GRIN3A: variants seen among roughly 807,000 people sequenced by gnomAD.
The protein encoded by GRIN3A is glutamate receptor ionotropic, NMDA 3A.
Under a neutral mutation model 92.4 loss-of-function variants are expected in GRIN3A, and 47 were observed. The ratio of observed to expected loss-of-function variants is 0.51; its 90% CI spans 0.40 to 0.65. GRIN3A has a LOEUF of 0.65. Among genes scored for constraint, GRIN3A ranks in the 30% least tolerant of loss-of-function variants. The pLI, the probability that GRIN3A is intolerant of heterozygous loss-of-function variation, is 0.00. For missense variants in GRIN3A, 1,324 were observed against 1,393.1 expected (o/e 0.95, Z 0.79); for synonymous variants, 527 against 540.6 (o/e 0.97, Z 0.35).
intron 1 of GRIN3A, among the ~76,000 whole-genome samples, chr9:101,720,615 A>G (rs1416980525): frequency 6.6e-6 from 1 of 152,222 alleles, no homozygotes; most frequent in Non-Finnish European, 1.5e-5. Context: ...ACAAGAACAG[A>G]TAACATTGTT....
chr9:101,670,397 G>A lies in GRIN3A; in HGVS notation c.2015C>T (p.Pro672Leu). ...TAAPIGAFMWPLHWTMWLGIF... is the reference protein window; with the variant it reads ...TAAPIGAFMWLLHWTMWLGIF... Reference sequence around the variant, plus strand: ...CCCCAGCCACATTGTCCAGTGGAGTGGCCACATGAAGGCTCCAATGGGAGC... The same window carrying A: ...CCCCAGCCACATTGTCCAGTGGAGTAGCCACATGAAGGCTCCAATGGGAGC... The change falls in exon 3 of 9, where the codon CCA becomes CTA. Residue 672 changes from proline (P) to leucine (L), a missense_variant. Coordinates refer to ENST00000361820, the MANE Select transcript of GRIN3A (RefSeq NM_133445.3). 1 of 1,613,996 alleles carries A rather than the reference G, an allele frequency of 6.2e-7. No homozygotes were observed. The highest frequency in any genetic ancestry group is 8.5e-7 in the Non-Finnish European group (1 of 1,179,952).
chr9:101,685,377 A>G (rs1829520334), intron 2 of GRIN3A, among the ~76,000 whole-genome samples: 1 of 149,262 alleles, frequency 6.7e-6, no homozygotes, highest in Non-Finnish European at 1.5e-5. Context: ...TTTAAAGGTA[A>G]GAAGTTATGA....
chr9:101,670,105 TA>T lies in GRIN3A; in HGVS notation c.2306del (p.Val769GlufsTer38). The T allele has an allele frequency of 6.2e-7, 1 of 1,613,844 alleles. No individual in the cohort carries two copies. Among genetic ancestry groups the T allele is most frequent in the Non-Finnish European group, 8.5e-7 (1 of 1,179,826 alleles). On this transcript the variant is annotated frameshift_variant, in exon 3 of 9. Coordinates refer to ENST00000361820, the MANE Select transcript of GRIN3A (RefSeq NM_133445.3). LOFTEE classifies it high-confidence loss of function. ...TYTANLAAVM[V>X]GEKIYEELSG... is the part of the protein sequence containing the mutation. ...AAAGCTCTTCATAGATCTTCTCACC[TA>T]CCATGACAGCAGCCAAGTTTGCCGT...
intron 1 of GRIN3A, among the ~76,000 whole-genome samples, chr9:101,718,983 T>C (rs1354319530): frequency 6.6e-6 from 1 of 152,230 alleles, no homozygotes; most frequent in Non-Finnish European, 1.5e-5. Context: ...AAAACATTAA[T>C]AGCAGTAGAT....
At chr9:101,596,499 G>A (rs1828135222) in intron 6 of GRIN3A, among the ~76,000 whole-genome samples, 1 of 152,154 alleles carries the variant, frequency 6.6e-6, no homozygotes, top group African/African-American at 2.4e-5. Context: ...GTCTCTAAAT[G>A]ATACCAACCA....
At chr9:101,686,463 A>G in intron 2 of GRIN3A, 133 bp downstream of exon 2, 1 of 1,040,438 alleles carries the variant, frequency 9.6e-7, no homozygotes, top group Non-Finnish European at 1.5e-6. Context: ...ATATAACCAG[A>G]AATCCTCTAA....
intron 3 of GRIN3A, among the ~76,000 whole-genome samples, chr9:101,654,935 C>T (rs1829065375): frequency 6.6e-6 from 1 of 151,772 alleles, no homozygotes; most frequent in Non-Finnish European, 1.5e-5. Flanking sequence ...TAATGGCAAA[C>T]AGACAAAATA....
Position 101,670,977 on chromosome 9 carries a change from T to C in GRIN3A, c.1435A>G (p.Thr479Ala), listed in dbSNP as rs1220128611. ...CCCCCCTGCCAGCTGCCCAAGCGGG[T>C]CCACATTGGCTTTCCCATGGGGTCA... The part of the protein sequence containing the change: ...QHDPMGKPMW[T>A]RLGSWQGGKI... Residue 479 changes from threonine (T) to alanine (A), a missense_variant, in exon 3 of 9, where the codon ACC becomes GCC. Physicochemically the swap from Thr to Ala is moderately conservative, Grantham distance 58 (BLOSUM62 0). Transcript: ENST00000361820. 1.2e-6 allele frequency: 2 copies of C among 1,613,982 alleles called. No individual in the cohort carries two copies. The highest frequency in any genetic ancestry group is 8.5e-7 in the Non-Finnish European group (1 of 1,179,920).
At position 101,670,177 on chromosome 9, in the gene GRIN3A, T is replaced by C. The variant is rs1452072139; in HGVS notation, c.2235A>G (p.Leu745=). The change falls in exon 3 of 9, where the codon CTA becomes CTG. Residue 745 remains leucine (L), a synonymous_variant. Coordinates refer to ENST00000361820, the MANE Select transcript of GRIN3A (RefSeq NM_133445.3). Reference sequence around the variant, plus strand: ...TACAGAAAATGGCCCAAAGGTTCATTAGAAACCTTCCAGTCCAACATTTTG... The same window carrying C: ...TACAGAAAATGGCCCAAAGGTTCATCAGAAACCTTCCAGTCCAACATTTTG... The part of the protein sequence containing the change: ...KPPKCWTGRF[L]MNLWAIFCMF... 6.2e-7 allele frequency: 1 copy of C among 1,613,854 alleles called. No individual in the cohort carries two copies. The highest frequency in any genetic ancestry group is 2.2e-5 in the East Asian group (1 of 44,856).
intron 5 of GRIN3A, among the ~76,000 whole-genome samples, chr9:101,618,216 T>C (rs1430321102): frequency 2.0e-5 from 3 of 147,826 alleles, no homozygotes; most frequent in African/African-American, 5.3e-5. Context: ...AGAGCTTCTG[T>C]ACAGCAAAAG....
In GRIN3A at chr9:101,724,304, G is replaced by A. The variant is rs557339162; in HGVS notation, c.699+12977C>T. Among the ~76,000 whole-genome samples, 26 of 152,262 alleles carry A rather than the reference G, an allele frequency of 1.7e-4. 1 individual carries two copies. In the South Asian group the frequency reaches 2.9e-3, roughly 17 times the overall value. On this transcript the variant is annotated intron_variant, in intron 1 of 8. Transcript: ENST00000361820. ...CCGGCGAGAAATCAAGCGCAGCGCCGGTGGGCTGGCACTGCTGGGGGACCC... is the reference window on the plus strand; with the variant it reads ...CCGGCGAGAAATCAAGCGCAGCGCCAGTGGGCTGGCACTGCTGGGGGACCC...
intron 6 of GRIN3A, among the ~76,000 whole-genome samples, chr9:101,602,299 T>C (rs1828221409): frequency 6.6e-6 from 1 of 152,204 alleles, no homozygotes; most frequent in African/African-American, 2.4e-5. Flanking sequence ...AGAAAAAAGA[T>C]GGCTTTTGCA....
At position 101,573,272 on chromosome 9, in the gene GRIN3A, T is replaced by G; in HGVS notation, c.3250A>C (p.Lys1084Gln). Residue 1084 changes from lysine to glutamine, a missense_variant, in exon 9 of 9, where the codon AAG becomes CAG. By Grantham distance (53) the Lys-to-Gln change is moderately conservative. Coordinates refer to ENST00000361820, the MANE Select transcript of GRIN3A (RefSeq NM_133445.3). ...SVMQELSELE[K>Q]QIQVIRQELQ... is the part of the protein sequence containing the mutation. ...TCCTGACGGATCACCTGAATCTGCT[T>G]CTCGAGCTCTGAGAGTTCCTGCATC... 1 of 1,614,074 alleles carries G rather than the reference T, an allele frequency of 6.2e-7. No individual in the cohort carries two copies. Among genetic ancestry groups the G allele is most frequent in the Non-Finnish European group, 8.5e-7 (1 of 1,179,968 alleles).
At chr9:101,604,206 A>T (rs1333483911) in intron 6 of GRIN3A, among the ~76,000 whole-genome samples, 1 of 152,194 alleles carries the variant, frequency 6.6e-6, no homozygotes, top group African/African-American at 2.4e-5. Flanking sequence ...AAGAAAGGGA[A>T]GGAATGAAGG....
At chr9:101,697,501 C>T (rs1349890089) in intron 1 of GRIN3A, among the ~76,000 whole-genome samples, 1 of 152,142 alleles carries the variant, frequency 6.6e-6, no homozygotes. Flanking sequence ...TCTACGTGAG[C>T]ATTGTTACGG....
chr9:101,684,057 T>C (rs544615796), intron 2 of GRIN3A, among the ~76,000 whole-genome samples: 9 of 140,684 alleles, frequency 6.4e-5, no homozygotes, highest in African/African-American at 2.1e-4. Flanking sequence ...TGCCCTCCCC[T>C]TCCCTTCCCT....
intron 1 of GRIN3A, among the ~76,000 whole-genome samples, chr9:101,722,372 AGTGCAGAAGGGAAAT>A (rs1479394710): frequency 2.0e-5 from 3 of 152,240 alleles, no homozygotes; most frequent in Non-Finnish European, 2.9e-5. Flanking sequence ...CTGCTAGGGC[AGTGCAGAAGGGAAAT>A]GTGGGGTCGG....
chr9:101,639,455 G>A (rs1828826217), intron 3 of GRIN3A, among the ~76,000 whole-genome samples: 1 of 152,050 alleles, frequency 6.6e-6, no homozygotes, highest in African/African-American at 2.4e-5. Flanking sequence ...AATGACCTGT[G>A]GACTGTGGAA....
At chr9:101,665,695 C>T (rs916098070) in intron 3 of GRIN3A, among the ~76,000 whole-genome samples, 1 of 151,798 alleles carries the variant, frequency 6.6e-6, no homozygotes, top group Non-Finnish European at 1.5e-5. Flanking sequence ...CCAAAAGAAC[C>T]ACAGAGATCT....
Sources: allele counts gnomAD v4.1 joint callset (sites outside exome capture counted in the v4.1 genomes callset), GRCh38; gene constraint gnomAD v4.1.1; transcripts MANE v1.5; gene names NCBI Gene and HGNC (gene_info 2026-07-23, HGNC 2026-07-21).